MDN1: variants seen among roughly 807,000 people sequenced by gnomAD.
The protein encoded by MDN1 is midasin AAA ATPase 1.
A neutral mutation model predicts 669.2 loss-of-function variants in MDN1; 266 were observed. The ratio of observed to expected loss-of-function variants is 0.40; its 90% CI spans 0.36 to 0.44. The LOEUF (loss-of-function observed/expected upper bound fraction) is 0.44, where lower values mean the gene tolerates loss of function less well. Among genes scored for constraint, MDN1 ranks in the 20% least tolerant of loss-of-function variants. MDN1 has a pLI of 1.00. For missense variants in MDN1, 5,940 were observed against 6,754.0 expected, an observed-to-expected ratio of 0.88 and a Z score of 4.22; for synonymous variants, 2,385 against 2,457.1, an observed-to-expected ratio of 0.97 and a Z score of 0.87.
chr6:89,781,619 T>C (rs747299206), intron 9 of MDN1, 27 bp from the exon 10 acceptor site: 187 of 1,523,668 alleles, frequency 1.2e-4, no homozygotes, highest in Non-Finnish European at 5.0e-5. Context: ...AAAAAGAAAA[T>C]TTAACAGCCA....
intron 19 of MDN1, among the ~76,000 whole-genome samples, chr6:89,757,271 T>C (rs1187577047): frequency 6.6e-6 from 1 of 152,208 alleles, no homozygotes; most frequent in Non-Finnish European, 1.5e-5. Context: ...CAGTGCTTAG[T>C]GGCGAAAAAT....
At chr6:89,780,439 T>C in intron 10 of MDN1, 146 bp from the exon 11 acceptor site, 2 of 459,476 alleles carry the variant, frequency 4.4e-6, no homozygotes, top group South Asian at 1.2e-4. Context: ...TAAAAGGTAT[T>C]TGGGAAACCA....
At chr6:89,679,374 G>A (rs988418424) in intron 74 of MDN1, among the ~76,000 whole-genome samples, 14 of 152,126 alleles carry the variant, frequency 9.2e-5, no homozygotes, top group Admixed American at 3.9e-4. Context: ...CTGAATACAC[G>A]TGGGTACCAA....
Position 89,729,066 on chromosome 6 carries a change from C to A in MDN1, c.5214G>T (p.Arg1738Ser), listed in dbSNP as rs1422185805. ...SAGTTAMNAQRLLRATKLKKP... is the reference protein window; with the variant it reads ...SAGTTAMNAQSLLRATKLKKP... ...TCTTCAGTTTGGTAGCTCTTAAGAG[C>A]CTCTGTGCATTCATAGCAGTGGTCC... The change falls in exon 36 of 102, where the codon AGG becomes AGT. Residue 1738 changes from arginine (R) to serine (S), a missense_variant. Arg to Ser is a moderately radical substitution (Grantham distance 110, BLOSUM62 -1). Transcript: ENST00000369393. The A allele has an allele frequency of 6.2e-7, 1 of 1,613,858 alleles. No homozygotes were observed. Among genetic ancestry groups the A allele is most frequent in the East Asian group, 2.2e-5 (1 of 44,878 alleles).
intron 87 of MDN1, 106 bp from the exon 88 acceptor site, chr6:89,661,684 A>G: frequency 7.4e-6 from 8 of 1,081,986 alleles, no homozygotes; most frequent in Non-Finnish European, 1.0e-5. Context: ...GTGAGAGAAC[A>G]CAATATCTAT....
chr6:89,699,500 G>C, intron 58 of MDN1, 101 bp downstream of exon 58: 1 of 1,374,584 alleles, frequency 7.3e-7, no homozygotes, highest in Non-Finnish European at 9.7e-7. Flanking sequence ...TTTCCAATAT[G>C]GAATTTTGAG....
intron 53 of MDN1, among the ~76,000 whole-genome samples, chr6:89,703,362 A>C (rs1813287468): frequency 9.0e-6 from 1 of 110,794 alleles, no homozygotes; most frequent in Non-Finnish European, 2.0e-5. Context: ...CTGACCATGT[A>C]TGGGGAAGGG....
At position 89,655,855 on chromosome 6, in the gene MDN1, C is replaced by T; in HGVS notation, c.15399G>A (p.Gly5133=). 5 of 1,614,072 alleles carry T rather than the reference C, an allele frequency of 3.1e-6. No homozygotes were observed. Among genetic ancestry groups the T allele is most frequent in the Non-Finnish European group, 4.2e-6 (5 of 1,180,008 alleles). Residue 5133 remains glycine (G), a synonymous_variant, in exon 92 of 102, where the codon GGG becomes GGA. Transcript: ENST00000369393. Reference sequence around the variant, plus strand: ...CCTGGGCCTGGGGCTGCTGAGCTGGCCCCTGCTCGGCATGGCTGTCCGTAT... The same window carrying T: ...CCTGGGCCTGGGGCTGCTGAGCTGGTCCCTGCTCGGCATGGCTGTCCGTAT... ...TVDTDSHAEQ[G]PAQQPQAQVE...
intron 1 of MDN1, among the ~76,000 whole-genome samples, chr6:89,813,566 A>AC (rs57687323): frequency 1.3e-5 from 2 of 150,758 alleles, no homozygotes; most frequent in African/African-American, 4.9e-5. Context: ...AAAAAAAAAA[A>AC]CAAAAAAGAA....
chr6:89,788,632 G>C, intron 7 of MDN1, among the ~76,000 whole-genome samples: 1 of 152,156 alleles, frequency 6.6e-6, no homozygotes, highest in East Asian at 1.9e-4. Flanking sequence ...TTTTTCATAA[G>C]AGTTATCGAG....
chr6:89,693,056 G>T lies in MDN1; in HGVS notation c.9974C>A (p.Ser3325Tyr). 6 of 1,614,172 alleles carry T rather than the reference G, an allele frequency of 3.7e-6. No individual in the cohort carries two copies. Among genetic ancestry groups the T allele is most frequent in the Non-Finnish European group, 5.1e-6 (6 of 1,180,030 alleles). Residue 3325 changes from serine (S) to tyrosine (Y), a missense_variant, in exon 63 of 102, where the codon TCC becomes TAC. Around this residue, in one of 5 missense-constraint regions of MDN1, gnomAD observed 150 missense variants for 234.2 expected, o/e 0.64. Transcript: ENST00000369393. ...AFRPQLPAYE[S>Y]LVQEIHHYVT... is the part of the protein sequence containing the mutation. Reference sequence around the variant, plus strand: ...GTAGTGGTGGATCTCCTGAACCAGGGACTCGTAGGCAGGCAGCTGGGGTCT... The same window carrying T: ...GTAGTGGTGGATCTCCTGAACCAGGTACTCGTAGGCAGGCAGCTGGGGTCT...
chr6:89,743,595 C>T lies in MDN1; in HGVS notation c.4298G>A (p.Arg1433Lys). ...ACAAACCTTGTCGTTTGGCTTTTGT[C>T]TCACTGGCCGCAGGCCACCCAGGAA... ...SDFLGGLRPV[R>K]QKPNDKEEID... The change falls in exon 30 of 102, where the codon AGA becomes AAA. Residue 1433 changes from arginine (R) to lysine (K), a missense_variant. Physicochemically the swap from Arg to Lys is conservative, Grantham distance 26 (BLOSUM62 2). This residue lies in a region of MDN1 where 2,292 missense variants were observed against 2,638.3 expected (regional missense o/e 0.87). Coordinates refer to ENST00000369393, the MANE Select transcript of MDN1 (RefSeq NM_014611.3). 6.2e-7 allele frequency: 1 copy of T among 1,613,554 alleles called. No homozygotes were observed. Among genetic ancestry groups the T allele is most frequent in the Non-Finnish European group, 8.5e-7 (1 of 1,179,842 alleles).
intron 90 of MDN1, among the ~76,000 whole-genome samples, chr6:89,657,287 G>A (rs969534101): frequency 6.6e-6 from 1 of 152,202 alleles, no homozygotes; most frequent in African/African-American, 2.4e-5. Flanking sequence ...ATTTGTGGTG[G>A]TGGTAGTCAT....
At chr6:89,778,330 TTTAAAA>T (rs1818457015) in intron 11 of MDN1, among the ~76,000 whole-genome samples, 1 of 152,088 alleles carries the variant, frequency 6.6e-6, no homozygotes, top group South Asian at 2.1e-4. Flanking sequence ...ATCTAGTCCT[TTTAAAA>T]TTAAAATATA....
intron 35 of MDN1, 67 bp from the exon 36 acceptor site, chr6:89,729,206 C>G (rs759394211): frequency 7.6e-7 from 1 of 1,313,958 alleles, no homozygotes; most frequent in Non-Finnish European, 1.0e-6. Flanking sequence ...TGCATCAACT[C>G]AAGATTTTAA....
At chr6:89,651,507 T>C (rs1808866994) in intron 95 of MDN1, among the ~76,000 whole-genome samples, 1 of 152,024 alleles carries the variant, frequency 6.6e-6, no homozygotes, top group Admixed American at 6.6e-5. Flanking sequence ...TCCCAGCTAC[T>C]TGGGAGGCTG....
At chr6:89,737,169 G>C (rs190485609) in intron 33 of MDN1, among the ~76,000 whole-genome samples, 1 of 152,098 alleles carries the variant, frequency 6.6e-6, no homozygotes, top group African/African-American at 2.4e-5. Flanking sequence ...AGCAGTGTGC[G>C]TACCTATAAA....
At chr6:89,749,427 G>A (rs1037367601) in intron 25 of MDN1, 58 bp from the exon 26 acceptor site, 2 of 1,597,700 alleles carry the variant, frequency 1.3e-6, no homozygotes, top group South Asian at 1.1e-5. Context: ...CAATATGGAG[G>A]CTCTGACATT....
Position 89,753,583 on chromosome 6 carries a change from A to G in MDN1, c.3004T>C (p.Ser1002Pro). ...ATGAGCTTCTGAACTATTGGGTGTG[A>G]TGCCCTGTCAAGCTGTGTTAAGAAA... ...LGFLTQLDRA[S>P]HPIVQKLICQ... Residue 1002 changes from serine to proline, a missense_variant, in exon 22 of 102, where the codon TCA becomes CCA. Physicochemically the swap from Ser to Pro is moderately conservative, Grantham distance 74 (BLOSUM62 -1). Coordinates refer to ENST00000369393, the MANE Select transcript of MDN1 (RefSeq NM_014611.3). 1 of 1,613,970 alleles carries G rather than the reference A, an allele frequency of 6.2e-7. No individual in the cohort carries two copies. The highest frequency in any genetic ancestry group is 1.1e-5 in the South Asian group (1 of 91,066).
Sources: gnomAD v4.1 joint callset for allele counts (sites outside exome capture counted in the v4.1 genomes callset) on GRCh38, gnomAD v4.1.1 for gene constraint, gnomAD v4.1.1 regional missense constraint, MANE v1.5 for transcripts, NCBI Gene and HGNC (gene_info 2026-07-23, HGNC 2026-07-21) for gene names.